The following SCYL2 variants were observed in gnomAD, a reference collection of about 807,000 sequenced individuals.
SCYL2 encodes the protein SCY1 like pseudokinase 2.
Under a neutral mutation model 100.4 loss-of-function variants are expected in SCYL2, and 36 were observed. That is an observed-to-expected ratio of 0.36 (90% CI 0.27 to 0.47). The LOEUF is 0.47. Among genes scored for constraint, SCYL2 ranks in the 20% least tolerant of loss-of-function variants. The probability of loss-of-function intolerance (pLI) is 1.00; values close to 1 mark genes in which losing one functional copy is unlikely to be tolerated. For missense variants in SCYL2, 902 were observed against 1,083.9 expected (o/e 0.83, Z 2.36); for synonymous variants, 330 against 359.2 (o/e 0.92, Z 0.92).
intron 2 of SCYL2, among the ~76,000 whole-genome samples, chr12:100,286,911 T>C (rs1164746248): frequency 1.3e-5 from 2 of 152,154 alleles, no homozygotes; most frequent in Non-Finnish European, 2.9e-5. Context: ...AAGGGGTATA[T>C]GTTTTTACCT....
At position 100,334,624 on chromosome 12, in the gene SCYL2, C is replaced by G. The variant is rs1361424197; in HGVS notation, c.1862+358C>G. ...TAGGAAAATTTTTTAAATTTATGAACTTCTAGTGTTTTGATTTTTTTTTCA... is the reference window on the plus strand; with the variant it reads ...TAGGAAAATTTTTTAAATTTATGAAGTTCTAGTGTTTTGATTTTTTTTTCA... On this transcript the variant is annotated intron_variant, in intron 14 of 17. Coordinates refer to ENST00000360820, the MANE Select transcript of SCYL2 (RefSeq NM_017988.6). Among the ~76,000 whole-genome samples, 4 of 151,900 alleles carry G rather than the reference C, an allele frequency of 2.6e-5. No individual in the cohort carries two copies. In the East Asian group the frequency reaches 7.7e-4, roughly 29 times the overall value.
Position 100,338,917 on chromosome 12 carries a change from C to A in SCYL2, c.2535C>A (p.Gly845=), listed in dbSNP as rs749759814. Residue 845 remains glycine, a synonymous_variant, in exon 18 of 18, where the codon GGC becomes GGA. Coordinates refer to ENST00000360820, the MANE Select transcript of SCYL2 (RefSeq NM_017988.6). ...TGTCTGCCCTTAATAATCTCTTTGGCCCTCAGAAACCCAAAGTTAGCATGA... is the reference window on the plus strand; with the variant it reads ...TGTCTGCCCTTAATAATCTCTTTGGACCTCAGAAACCCAAAGTTAGCATGA... ...TDMSALNNLF[G]PQKPKVSMNQ... 1 of 1,614,104 alleles carries A rather than the reference C, an allele frequency of 6.2e-7. No homozygotes were observed. Among genetic ancestry groups the A allele is most frequent in the South Asian group, 1.1e-5 (1 of 91,084 alleles).
chr12:100,292,971 A>G (rs1444367962), intron 3 of SCYL2, among the ~76,000 whole-genome samples: 1 of 151,622 alleles, frequency 6.6e-6, no homozygotes, highest in African/African-American at 2.4e-5. Flanking sequence ...GTGTGCTACC[A>G]TGCCCAGCTA....
At chr12:100,293,409 C>G (rs1444725946) in intron 3 of SCYL2, among the ~76,000 whole-genome samples, 1 of 152,226 alleles carries the variant, frequency 6.6e-6, no homozygotes. Context: ...CTACACTTTC[C>G]TGACTCTGTA....
At chr12:100,283,206 C>T in intron 2 of SCYL2, 59 bp downstream of exon 2, 2 of 1,412,984 alleles carry the variant, frequency 1.4e-6, no homozygotes, top group South Asian at 2.8e-5. Flanking sequence ...CCATAAAATG[C>T]ATGTGTGCAT....
intron 12 of SCYL2, among the ~76,000 whole-genome samples, chr12:100,328,715 T>C (rs1041991921): frequency 2.0e-5 from 3 of 152,202 alleles, no homozygotes; most frequent in Non-Finnish European, 4.4e-5. Flanking sequence ...GGGAAGGATT[T>C]TGTGGAATTG....
chr12:100,315,764 C>G (rs746585341), intron 9 of SCYL2, 30 bp downstream of exon 9: 4 of 1,357,944 alleles, frequency 2.9e-6, no homozygotes, highest in Non-Finnish European at 4.1e-6. Flanking sequence ...GTGTATTTAT[C>G]TACTGTTATT....
At chr12:100,288,233 C>A (rs895470079) in intron 2 of SCYL2, among the ~76,000 whole-genome samples, 8 of 152,154 alleles carry the variant, frequency 5.3e-5, no homozygotes, top group African/African-American at 1.9e-4. Flanking sequence ...TAGTTGATAA[C>A]CTCTTCTGAC....
chr12:100,326,688 G>A lies in SCYL2; in HGVS notation c.1576G>A (p.Asp526Asn). ...ATACTTGGATAAGTGGTTTGTACTT[G>A]ATGATATCCTACCCTTCTTACAACA... ...LEYLDKWFVL[D>N]DILPFLQQIP... Residue 526 changes from aspartate to asparagine, a missense_variant, in exon 12 of 18, where the codon GAT (aspartate) becomes AAT (asparagine). Asp to Asn is a conservative substitution (Grantham distance 23). Coordinates refer to ENST00000360820, the MANE Select transcript of SCYL2 (RefSeq NM_017988.6). 1 of 1,610,976 alleles carries A rather than the reference G, an allele frequency of 6.2e-7. No homozygotes were observed. The highest frequency in any genetic ancestry group is 8.5e-7 in the Non-Finnish European group (1 of 1,178,780).
chr12:100,315,482 A>G, intron 8 of SCYL2, 76 bp from the exon 9 acceptor site: 1 of 1,226,098 alleles, frequency 8.2e-7, no homozygotes, highest in Non-Finnish European at 1.1e-6. Context: ...TAGAGGTTTT[A>G]GACCTTAGTG....
intron 16 of SCYL2, 48 bp from the exon 17 acceptor site, chr12:100,337,339 T>C (rs890857094): frequency 1.3e-6 from 2 of 1,595,518 alleles, no homozygotes; most frequent in African/African-American, 2.7e-5. Context: ...GTTTTACAAA[T>C]GGACTTAATA....
rs2096359404 is a variant in SCYL2 at position 100,324,270 on chromosome 12, T to A, written c.1509+632T>A. ...AAAGCAATAAATGTCCCCAGCCTTT[T>A]CTCTAACACTAAATATAATAGTTTA... On this transcript the variant is annotated intron_variant, in intron 11 of 17. Coordinates refer to ENST00000360820, the MANE Select transcript of SCYL2 (RefSeq NM_017988.6). 3.9e-5 allele frequency among the ~76,000 whole-genome samples: 6 copies of A among 152,302 alleles called. 1 individual carries two copies. In the South Asian group the frequency reaches 1.2e-3, roughly 32 times the overall value.
chr12:100,308,349 A>C (rs1259261040), intron 4 of SCYL2, among the ~76,000 whole-genome samples: 1 of 152,220 alleles, frequency 6.6e-6, no homozygotes, highest in Non-Finnish European at 1.5e-5. Flanking sequence ...GACGTGGATG[A>C]AGCTGGAAAC....
chr12:100,338,713 G>A lies in SCYL2; in HGVS notation c.2331G>A (p.Met777Ile). The A allele has an allele frequency of 6.2e-7, 1 of 1,614,016 alleles. No homozygotes were observed. The highest frequency in any genetic ancestry group is 8.5e-7 in the Non-Finnish European group (1 of 1,179,938). The change falls in exon 18 of 18, where the codon ATG becomes ATA. Residue 777 changes from methionine to isoleucine, a missense_variant. Coordinates refer to ENST00000360820, the MANE Select transcript of SCYL2 (RefSeq NM_017988.6). Reference protein sequence around the residue: ...RNLTNGLNANMGFQTSGFNMP... With the variant: ...RNLTNGLNANIGFQTSGFNMP... ...TGACAAATGGCCTAAATGCCAATAT[G>A]GGCTTTCAGACTTCAGGATTCAACA...
At chr12:100,290,050 C>G (rs1042355660) in intron 2 of SCYL2, among the ~76,000 whole-genome samples, 1 of 152,248 alleles carries the variant, frequency 6.6e-6, no homozygotes, top group Non-Finnish European at 1.5e-5. Flanking sequence ...GGTGTAACGA[C>G]GTTAGCTAAC....
intron 3 of SCYL2, among the ~76,000 whole-genome samples, chr12:100,293,475 A>C (rs1460616544): frequency 6.6e-6 from 1 of 151,860 alleles, no homozygotes; most frequent in Non-Finnish European, 1.5e-5. Context: ...AGTGTCACCT[A>C]TTAGAATCCT....
intron 4 of SCYL2, among the ~76,000 whole-genome samples, chr12:100,308,891 A>G (rs1042405074): frequency 1.3e-5 from 2 of 152,126 alleles, no homozygotes; most frequent in Non-Finnish European, 2.9e-5. Flanking sequence ...ACTGAGATCA[A>G]TATAAAGTCT....
At chr12:100,301,837 A>T (rs189505136) in intron 4 of SCYL2, among the ~76,000 whole-genome samples, 1 of 152,254 alleles carries the variant, frequency 6.6e-6, no homozygotes, top group Admixed American at 6.6e-5. Context: ...AAATAAAGGG[A>T]GTCTTTCACC....
At position 100,314,587 on chromosome 12, in the gene SCYL2, G is replaced by A. The variant is rs753075473; in HGVS notation, c.1068G>A (p.Leu356=). The change falls in exon 8 of 18, where the codon CTG becomes CTA. Residue 356 remains leucine, a synonymous_variant. Coordinates refer to ENST00000360820, the MANE Select transcript of SCYL2 (RefSeq NM_017988.6). ...AGAAATCACAGTTTTTCAAAGGACT[G>A]CCAAAGGTTCTACCAAAACTGCCCA... ...NLQKSQFFKG[L]PKVLPKLPKR... The A allele has an allele frequency of 1.9e-5, 30 of 1,600,020 alleles. No homozygotes were observed. In the South Asian group the frequency reaches 3.3e-4, roughly 18 times the overall value.
Sources: gnomAD v4.1 joint callset for allele counts (sites outside exome capture counted in the v4.1 genomes callset) on GRCh38, gnomAD v4.1.1 for gene constraint, MANE v1.5 for transcripts, NCBI Gene and HGNC (gene_info 2026-07-23, HGNC 2026-07-21) for gene names.